The following NFIB variants were observed in gnomAD, a reference collection of about 807,000 sequenced individuals.
NFIB encodes the protein nuclear factor I B.
In NFIB, 11 loss-of-function variants were observed where a neutral mutation model predicts 61.5. The observed-to-expected ratio is 0.18, with a 90% confidence interval of 0.11 to 0.30. The LOEUF (loss-of-function observed/expected upper bound fraction) is 0.30, where lower values mean the gene tolerates loss of function less well. Ranked by LOEUF, NFIB falls within the 10% of genes least tolerant of loss-of-function variation. The pLI, the probability that NFIB is intolerant of heterozygous loss-of-function variation, is 1.00. For missense variants in NFIB, 471 were observed against 608.9 expected (o/e 0.77, Z 2.38); for synonymous variants, 260 against 216.5 (o/e 1.20, Z -1.76).
At chr9:14,191,788 C>T (rs1253043085) in intron 2 of NFIB, among the ~76,000 whole-genome samples, 1 of 152,158 alleles carries the variant, frequency 6.6e-6, no homozygotes, top group Non-Finnish European at 1.5e-5. Flanking sequence ...ACTCATCTCC[C>T]ATGCTCATAA....
intron 2 of NFIB, among the ~76,000 whole-genome samples, chr9:14,200,456 T>C (rs1220504289): frequency 6.6e-6 from 1 of 152,144 alleles, no homozygotes; most frequent in Non-Finnish European, 1.5e-5. Flanking sequence ...AAAATAATAA[T>C]CCTCATGCCC....
upstream of NFIB, among the ~76,000 whole-genome samples, chr9:14,314,769 T>C (rs557491202): frequency 2.3e-3 from 301 of 129,798 alleles, no homozygotes; most frequent in Non-Finnish European, 3.8e-3. Flanking sequence ...AAAGGTATCC[T>C]ACCGGTGCTA....
chr9:14,170,245 C>T (rs942386093), intron 3 of NFIB, among the ~76,000 whole-genome samples: 1 of 152,146 alleles, frequency 6.6e-6, no homozygotes, highest in Non-Finnish European at 1.5e-5. Flanking sequence ...AAATGCTTTG[C>T]ATTATTAAAT....
At chr9:14,461,470 T>C in the NFIB span, among the ~76,000 whole-genome samples, 1 of 152,196 alleles carries the variant, frequency 6.6e-6, no homozygotes, top group Non-Finnish European at 1.5e-5. Context: ...TCAGCCTCTA[T>C]CAGCAGCAGG....
At chr9:14,388,189 T>C (rs930069206) in intron 1 of NFIB, among the ~76,000 whole-genome samples, 1 of 152,112 alleles carries the variant, frequency 6.6e-6, no homozygotes, top group Non-Finnish European at 1.5e-5. Context: ...AAGGATGAGT[T>C]GCAAAAGCAT....
At chr9:14,500,074 T>C in the NFIB span, among the ~76,000 whole-genome samples, 1 of 152,172 alleles carries the variant, frequency 6.6e-6, no homozygotes, top group South Asian at 2.1e-4. Context: ...TTTAGCCACA[T>C]CTCATACAAC....
intron 10 of NFIB, among the ~76,000 whole-genome samples, chr9:14,099,930 G>A (rs113370610): frequency 9.6e-4 from 146 of 152,186 alleles, no homozygotes; most frequent in African/African-American, 3.3e-3. Flanking sequence ...AAGTTAGCCG[G>A]GCGTGGCAGT....
chr9:14,184,669 T>C lies in NFIB; in HGVS notation c.563-4889A>G, dbSNP rs7047924. On this transcript the variant is annotated intron_variant, in intron 2 of 10. Coordinates refer to ENST00000380953, the MANE Select transcript of NFIB (RefSeq NM_001190737.2). The stretch of plus-strand genomic sequence containing the variant: ...GTAGATACACTGCAACTATCTGAGG[T>C]AGATAAATCATCAAAACTGTCAAAT... 7.8e-3 allele frequency among the ~76,000 whole-genome samples: 1,192 copies of C among 152,308 alleles called. 13 individuals are homozygous for C. Among genetic ancestry groups the C allele is most frequent in the African/African-American group, 0.026 (1,079 of 41,558 alleles).
intron 3 of NFIB, among the ~76,000 whole-genome samples, chr9:14,168,146 G>C (rs2045127986): frequency 1.3e-5 from 2 of 152,192 alleles, no homozygotes; most frequent in South Asian, 4.1e-4. Context: ...CCTAGGTCAG[G>C]TTCTGAGTAA....
chr9:14,441,950 A>C, the NFIB span, among the ~76,000 whole-genome samples: 1 of 152,222 alleles, frequency 6.6e-6, no homozygotes, highest in African/African-American at 2.4e-5. Context: ...TGATTGTTTT[A>C]AAATAGCTAC....
intron 1 of NFIB, among the ~76,000 whole-genome samples, chr9:14,388,622 G>C (rs1488394090): frequency 6.6e-6 from 1 of 152,072 alleles, no homozygotes; most frequent in East Asian, 1.9e-4. Flanking sequence ...TACCTACATA[G>C]TAAACATATA....
chr9:14,485,415 A>C, the NFIB span, among the ~76,000 whole-genome samples: 1 of 152,222 alleles, frequency 6.6e-6, no homozygotes, highest in Non-Finnish European at 1.5e-5. Context: ...AGATGAAGGA[A>C]TGCAGCTCAT....
rs558045697 is a variant in NFIB, at chr9:14,204,509, G to A, written c.563-24729C>T. On this transcript the variant is annotated intron_variant, in intron 2 of 10. Transcript: ENST00000380953. ...GATTAACCAGTTCACCCAGGACCTG[G>A]ACCACCAAACAGCTACTCAGCTGCT... 17 of 1,167,328 alleles carry A rather than the reference G, an allele frequency of 1.5e-5. No individual in the cohort carries two copies. In the African/African-American group the frequency reaches 2.0e-4, roughly 13 times the overall value. 72.3% of individuals were successfully genotyped at this position (1,167,328 alleles called of 1,614,324 possible).
At chr9:14,332,880 G>C (rs2060839139) in intron 1 of NFIB, among the ~76,000 whole-genome samples, 1 of 152,206 alleles carries the variant, frequency 6.6e-6, no homozygotes, top group South Asian at 2.1e-4. Context: ...GAGGCCATGA[G>C]CTTGCCAGTC....
chr9:14,281,819 G>GCACA (rs144220396), intron 2 of NFIB, among the ~76,000 whole-genome samples: 2 of 151,486 alleles, frequency 1.3e-5, no homozygotes, highest in African/African-American at 2.4e-5. Flanking sequence ...ACGTTCACAT[G>GCACA]CACACACACA....
chr9:14,156,303 C>G (rs2043397839), intron 3 of NFIB, among the ~76,000 whole-genome samples: 1 of 152,164 alleles, frequency 6.6e-6, no homozygotes, highest in Non-Finnish European at 1.5e-5. Context: ...TGTCAAAGAT[C>G]TCTTAAAGCC....
intron 2 of NFIB, among the ~76,000 whole-genome samples, chr9:14,292,363 T>C (rs1284587132): frequency 6.6e-6 from 1 of 152,208 alleles, no homozygotes; most frequent in African/African-American, 2.4e-5. Context: ...ATGAGTTAAC[T>C]ATTGGACTTT....
At chr9:14,447,283 A>G in the NFIB span, among the ~76,000 whole-genome samples, 2 of 152,110 alleles carry the variant, frequency 1.3e-5, no homozygotes, top group Non-Finnish European at 2.9e-5. Context: ...GTTTTTAGCT[A>G]TTGCTCATGG....
chr9:14,434,843 ATCAGGGTGCC>A, the NFIB span, among the ~76,000 whole-genome samples: 1 of 152,258 alleles, frequency 6.6e-6, no homozygotes, highest in African/African-American at 2.4e-5. Flanking sequence ...ATGGATTGTT[ATCAGGGTGCC>A]TCCTTTAATT....
Sources: gnomAD v4.1 joint callset for allele counts (sites outside exome capture counted in the v4.1 genomes callset) on GRCh38, gnomAD v4.1.1 for gene constraint, MANE v1.5 for transcripts, NCBI Gene and HGNC (gene_info 2026-07-23, HGNC 2026-07-21) for gene names.